Variants in JMJD1C observed in about 807,000 individuals in gnomAD.
The protein encoded by JMJD1C is jumonji domain containing 1C.
JMJD1C carries 31 observed loss-of-function variants against 245.3 expected under a neutral mutation model. The observed-to-expected ratio is 0.13, with a 90% confidence interval of 0.09 to 0.17. JMJD1C has a LOEUF of 0.17. Ranked by LOEUF, JMJD1C falls within the 10% of genes least tolerant of loss-of-function variation. JMJD1C has a pLI of 1.00. For missense variants in JMJD1C, 2,691 were observed against 3,000.2 expected, an observed-to-expected ratio of 0.90 and a Z score of 2.41; for synonymous variants, 1,057 against 1,017.4, an observed-to-expected ratio of 1.04 and a Z score of -0.74.
At chr10:63,212,809 G>A (rs1847519399) in intron 8 of JMJD1C, among the ~76,000 whole-genome samples, 1 of 151,322 alleles carries the variant, frequency 6.6e-6, no homozygotes, top group South Asian at 2.1e-4. Flanking sequence ...ATTTGGCTGA[G>A]CAAAATAATT....
chr10:63,179,768 C>A (rs1356822116), intron 22 of JMJD1C, among the ~76,000 whole-genome samples: 1 of 134,378 alleles, frequency 7.4e-6, no homozygotes, highest in African/African-American at 2.6e-5. Flanking sequence ...GCAAGGAGAC[C>A]CTATCTTTAA....
At chr10:63,205,056 G>C (rs983056386) in intron 10 of JMJD1C, 4 of 981,192 alleles carry the variant, frequency 4.1e-6, no homozygotes, top group Non-Finnish European at 4.8e-6. Flanking sequence ...AGCAAACTGA[G>C]AAAAACTACT....
At chr10:63,268,379 A>G (rs912654020) in intron 2 of JMJD1C, among the ~76,000 whole-genome samples, 1 of 152,122 alleles carries the variant, frequency 6.6e-6, no homozygotes, top group Non-Finnish European at 1.5e-5. Context: ...TACAAAACAA[A>G]TACCCCCACT....
intron 1 of JMJD1C, among the ~76,000 whole-genome samples, chr10:63,505,651 T>C (rs1436545924): frequency 2.0e-5 from 3 of 152,040 alleles, no homozygotes; most frequent in Non-Finnish European, 2.9e-5. Flanking sequence ...TTAGTTGGTC[T>C]GGGGTAGGAA....
intron 16 of JMJD1C, among the ~76,000 whole-genome samples, chr10:63,192,454 T>C (rs1180778927): frequency 6.6e-6 from 1 of 151,410 alleles, no homozygotes. Flanking sequence ...TTTAGTCCCA[T>C]CTACTTGGGA....
intron 2 of JMJD1C, among the ~76,000 whole-genome samples, chr10:63,287,366 G>A (rs568975168): frequency 2.0e-5 from 3 of 152,334 alleles, no homozygotes; most frequent in South Asian, 2.1e-4. Context: ...GTCGTTCCAC[G>A]TATGTGAAGT....
rs554487211 is a variant in JMJD1C, at chr10:63,391,273, G to A, written c.169-10791C>T. Among the ~76,000 whole-genome samples, 3 of 152,278 alleles carry A rather than the reference G, an allele frequency of 2.0e-5. No homozygotes were observed. In the South Asian group the frequency reaches 6.2e-4, roughly 32 times the overall value. The stretch of plus-strand genomic sequence containing the variant: ...TGCCTGTAATCCCAGCACTTTGGGA[G>A]GCCGAGGCGGGTGGATCATGAGGTC... On this transcript the variant is annotated intron_variant, in intron 1 of 25. Transcript: ENST00000399262.
In JMJD1C at chr10:63,243,118, TATATATAA is replaced by T. The variant is rs990302853; in HGVS notation, c.447+21525_447+21532del. On this transcript the variant is annotated intron_variant, in intron 3 of 25. Coordinates refer to ENST00000399262, the MANE Select transcript of JMJD1C (RefSeq NM_032776.3). ...CTAACATAAATTATATATATATATA[TATATATAA>T]ATATATATATGGCTAGATAGGTATC... Among the ~76,000 whole-genome samples, 45 of 87,012 alleles carry T rather than the reference TATATATAA, an allele frequency of 5.2e-4. 1 individual carries two copies. The highest frequency in any genetic ancestry group is 4.2e-3 in the East Asian group (11 of 2,612). 57.1% of individuals were successfully genotyped at this position (87,012 alleles called of 152,430 possible).
intron 10 of JMJD1C, chr10:63,202,316 G>C: frequency 1.0e-6 from 1 of 983,468 alleles, no homozygotes; most frequent in Non-Finnish European, 1.2e-6. Context: ...GCTCTAACTT[G>C]TAAGTGTCTT....
Position 63,268,921 on chromosome 10 carries a change from C to T in JMJD1C, c.334-4157G>A, listed in dbSNP as rs1232915424. 7 of 985,704 alleles carry T rather than the reference C, an allele frequency of 7.1e-6. No homozygotes were observed. In the South Asian group the frequency reaches 1.4e-4, roughly 20 times the overall value. 61.1% of individuals were successfully genotyped at this position (985,704 alleles called of 1,614,324 possible). On this transcript the variant is annotated intron_variant, in intron 2 of 25. Transcript: ENST00000399262. ...GAGCTGTAACCTAACAAGTCTCCAACGAGCAAATGACGATTTTCTGTCTGC... is the reference window on the plus strand; with the variant it reads ...GAGCTGTAACCTAACAAGTCTCCAATGAGCAAATGACGATTTTCTGTCTGC...
At chr10:63,379,696 G>A (rs1161397964) in intron 2 of JMJD1C, among the ~76,000 whole-genome samples, 2 of 152,142 alleles carry the variant, frequency 1.3e-5, no homozygotes, top group African/African-American at 2.4e-5. Context: ...GTGGCATACA[G>A]TCAACTATCT....
chr10:63,187,482 G>A (rs551643348), intron 18 of JMJD1C, among the ~76,000 whole-genome samples: 1 of 152,300 alleles, frequency 6.6e-6, no homozygotes, highest in South Asian at 2.1e-4. Flanking sequence ...TTGTTGCCCA[G>A]GCTGAAGTGC....
chr10:63,421,103 G>A (rs1482424095), intron 1 of JMJD1C, among the ~76,000 whole-genome samples: 1 of 152,192 alleles, frequency 6.6e-6, no homozygotes, highest in Non-Finnish European at 1.5e-5. Context: ...GGGAGGCCAA[G>A]GCAGGTGGAT....
At chr10:63,352,921 G>A (rs1245750473) in intron 2 of JMJD1C, among the ~76,000 whole-genome samples, 4 of 152,054 alleles carry the variant, frequency 2.6e-5, no homozygotes, top group African/African-American at 9.7e-5. Flanking sequence ...GTAGGCTGGT[G>A]GTCCTAGAAT....
intron 1 of JMJD1C, among the ~76,000 whole-genome samples, chr10:63,404,885 A>G (rs1291053078): frequency 6.6e-6 from 1 of 152,250 alleles, no homozygotes; most frequent in Non-Finnish European, 1.5e-5. Flanking sequence ...GAAAAGAAAT[A>G]GCAACTACCT....
At chr10:63,348,641 T>C (rs1443185049) in intron 2 of JMJD1C, among the ~76,000 whole-genome samples, 1 of 152,196 alleles carries the variant, frequency 6.6e-6, no homozygotes, top group East Asian at 1.9e-4. Context: ...ACTGATACTG[T>C]TTGGATGTCT....
At chr10:63,298,735 T>C (rs966756521) in intron 2 of JMJD1C, among the ~76,000 whole-genome samples, 1 of 152,122 alleles carries the variant, frequency 6.6e-6, no homozygotes, top group Non-Finnish European at 1.5e-5. Flanking sequence ...CCACATTCAT[T>C]CTAATCTTTT....
chr10:63,230,783 A>C (rs972577065), intron 3 of JMJD1C, among the ~76,000 whole-genome samples: 3 of 151,672 alleles, frequency 2.0e-5, no homozygotes, highest in African/African-American at 7.3e-5. Flanking sequence ...CCCCCCCAAA[A>C]AAAATAAATA....
At chr10:63,381,420 G>T (rs1947205000) in intron 1 of JMJD1C, among the ~76,000 whole-genome samples, 1 of 152,216 alleles carries the variant, frequency 6.6e-6, no homozygotes, top group Non-Finnish European at 1.5e-5. Flanking sequence ...AGCTAAGACA[G>T]GAGGATCACT....
Sources: gnomAD v4.1 joint callset for allele counts (sites outside exome capture counted in the v4.1 genomes callset) on GRCh38, gnomAD v4.1.1 for gene constraint, MANE v1.5 for transcripts, NCBI Gene and HGNC (gene_info 2026-07-23, HGNC 2026-07-21) for gene names.